UBE2E2: variants seen among roughly 807,000 people sequenced by gnomAD.
UBE2E2 encodes the protein ubiquitin conjugating enzyme E2 E2.
UBE2E2 carries 6 observed loss-of-function variants against 24.7 expected under a neutral mutation model. That is an observed-to-expected ratio of 0.24 (90% CI 0.13 to 0.48). UBE2E2 has a LOEUF of 0.48. UBE2E2 is among the 20% of genes least tolerant of loss of function. The pLI, the probability that UBE2E2 is intolerant of heterozygous loss-of-function variation, is 0.99. For synonymous variants in UBE2E2, 104 were observed against 83.6 expected, an observed-to-expected ratio of 1.24 and a Z score of -1.33; for missense variants, 169 against 245.0, an observed-to-expected ratio of 0.69 and a Z score of 2.07.
chr3:23,362,613 G>T (rs1335476668), intron 3 of UBE2E2, among the ~76,000 whole-genome samples: 1 of 152,084 alleles, frequency 6.6e-6, no homozygotes, highest in African/African-American at 2.4e-5. Flanking sequence ...CAGATGGCAG[G>T]GTGGGCCACC....
chr3:23,245,331 T>C (rs992404584), intron 3 of UBE2E2, among the ~76,000 whole-genome samples: 2 of 152,198 alleles, frequency 1.3e-5, no homozygotes, highest in African/African-American at 4.8e-5. Flanking sequence ...ATTGTCATAT[T>C]CTCATTTATT....
intron 3 of UBE2E2, among the ~76,000 whole-genome samples, chr3:23,423,853 G>A (rs967392047): frequency 1.3e-5 from 2 of 152,134 alleles, no homozygotes; most frequent in African/African-American, 4.8e-5. Context: ...CCTATCAGAA[G>A]AATGAGGGCC....
At chr3:23,375,160 G>A (rs1478323387) in intron 3 of UBE2E2, among the ~76,000 whole-genome samples, 3 of 152,106 alleles carry the variant, frequency 2.0e-5, no homozygotes, top group African/African-American at 7.2e-5. Context: ...AGAGAAATGT[G>A]CAGTTGATTT....
intron 3 of UBE2E2, among the ~76,000 whole-genome samples, chr3:23,253,454 A>G (rs1051392421): frequency 6.6e-6 from 1 of 152,202 alleles, no homozygotes; most frequent in Non-Finnish European, 1.5e-5. Flanking sequence ...AATCTAGGAA[A>G]TGAGACTTAA....
intron 3 of UBE2E2, among the ~76,000 whole-genome samples, chr3:23,268,333 A>T (rs1190032556): frequency 6.6e-6 from 1 of 151,016 alleles, no homozygotes; most frequent in Non-Finnish European, 1.5e-5. Flanking sequence ...AAATCTCCTT[A>T]AGCTGATAAG....
At chr3:23,368,874 AT>A (rs1380416020) in intron 3 of UBE2E2, among the ~76,000 whole-genome samples, 2 of 152,188 alleles carry the variant, frequency 1.3e-5, no homozygotes, top group African/African-American at 4.8e-5. Flanking sequence ...ATGGTGTACC[AT>A]TTCCCAATGA....
At chr3:23,322,813 T>G (rs1212792243) in intron 3 of UBE2E2, among the ~76,000 whole-genome samples, 1 of 152,016 alleles carries the variant, frequency 6.6e-6, no homozygotes, top group African/African-American at 2.4e-5. Flanking sequence ...GTATTTTCTC[T>G]ATAATTTAAT....
At chr3:23,501,814 G>A (rs1699726570) in intron 4 of UBE2E2, among the ~76,000 whole-genome samples, 1 of 152,028 alleles carries the variant, frequency 6.6e-6, no homozygotes, top group Non-Finnish European at 1.5e-5. Context: ...TTTACTAGGA[G>A]TGTTCAAGAA....
At chr3:23,294,645 AT>A (rs1698861024) in intron 3 of UBE2E2, among the ~76,000 whole-genome samples, 1 of 146,644 alleles carries the variant, frequency 6.8e-6, no homozygotes, top group Non-Finnish European at 1.5e-5. Flanking sequence ...GTATCTTTAG[AT>A]TATTTTATTT....
intron 3 of UBE2E2, among the ~76,000 whole-genome samples, chr3:23,360,746 C>A (rs1032103889): frequency 6.6e-6 from 1 of 151,746 alleles, no homozygotes; most frequent in South Asian, 2.1e-4. Context: ...TGGAAGGTAG[C>A]CTTTTTGAAA....
intron 3 of UBE2E2, among the ~76,000 whole-genome samples, chr3:23,332,757 T>A (rs1228224920): frequency 6.6e-6 from 1 of 151,664 alleles, no homozygotes; most frequent in Non-Finnish European, 1.5e-5. Flanking sequence ...TATCAGGTGA[T>A]GTTTTTGTTT....
chr3:23,462,993 T>C (rs986515446), intron 3 of UBE2E2, among the ~76,000 whole-genome samples: 4 of 152,142 alleles, frequency 2.6e-5, no homozygotes, highest in African/African-American at 9.7e-5. Flanking sequence ...ACTGTAGAAA[T>C]GTTGGCAGCA....
chr3:23,366,343 A>T (rs910853849), intron 3 of UBE2E2, among the ~76,000 whole-genome samples: 1 of 152,180 alleles, frequency 6.6e-6, no homozygotes, highest in African/African-American at 2.4e-5. Context: ...ATCATTCTCC[A>T]CAAAGACGCA....
chr3:23,509,273 G>C (rs778380807), intron 4 of UBE2E2, among the ~76,000 whole-genome samples: 1 of 152,154 alleles, frequency 6.6e-6, no homozygotes, highest in Non-Finnish European at 1.5e-5. Context: ...GGCTTTTATG[G>C]AACCAGATCA....
chr3:23,477,088 T>C (rs1484548097), intron 3 of UBE2E2, among the ~76,000 whole-genome samples: 2 of 151,198 alleles, frequency 1.3e-5, no homozygotes, highest in African/African-American at 2.5e-5. Flanking sequence ...TCATAAACAG[T>C]GTAATTGTGT....
intron 3 of UBE2E2, among the ~76,000 whole-genome samples, chr3:23,335,718 G>A (rs1695187740): frequency 6.6e-6 from 1 of 152,022 alleles, no homozygotes; most frequent in African/African-American, 2.4e-5. Context: ...AATTTTTGTA[G>A]AGATGGGGTC....
intron 3 of UBE2E2, among the ~76,000 whole-genome samples, chr3:23,338,626 C>G (rs1440458506): frequency 1.3e-5 from 2 of 151,894 alleles, no homozygotes; most frequent in African/African-American, 4.8e-5. Flanking sequence ...TGGGGAAGTA[C>G]AGGATGAAAG....
chr3:23,495,234 A>G (rs1699577020), intron 3 of UBE2E2, among the ~76,000 whole-genome samples: 1 of 152,212 alleles, frequency 6.6e-6, no homozygotes, highest in Non-Finnish European at 1.5e-5. Context: ...TCAAAGAACC[A>G]ATAAAACTTG....
At chr3:23,477,763 A>G (rs1184209218) in intron 3 of UBE2E2, among the ~76,000 whole-genome samples, 1 of 152,024 alleles carries the variant, frequency 6.6e-6, no homozygotes, top group Non-Finnish European at 1.5e-5. Context: ...CCCCACTCAA[A>G]TCTCATCTCA....
Sources: allele counts gnomAD v4.1 joint callset (sites outside exome capture counted in the v4.1 genomes callset), GRCh38; gene constraint gnomAD v4.1.1; transcripts MANE v1.5; gene names NCBI Gene and HGNC (gene_info 2026-07-23, HGNC 2026-07-21).